C7orf57: variants seen among roughly 807,000 people sequenced by gnomAD.
The protein encoded by C7orf57 is chromosome 7 open reading frame 57.
In C7orf57, 33 loss-of-function variants were observed where a neutral mutation model predicts 39.0. The ratio of observed to expected loss-of-function variants is 0.85; its 90% CI spans 0.64 to 1.13. The LOEUF is 1.13. Among genes scored for constraint, C7orf57 ranks in the 50% most tolerant of loss-of-function variants. The pLI is 0.00. For synonymous variants in C7orf57, 124 were observed against 137.1 expected (o/e 0.90, Z 0.67); for missense variants, 346 against 362.3 (o/e 0.95, Z 0.37).
At chr7:48,038,458 G>A (rs11764799) in intron 2 of C7orf57, among the ~76,000 whole-genome samples, 70,405 of 151,784 alleles carry the variant, frequency 0.46, 16,963 homozygotes, top group African/African-American at 0.6. Flanking sequence ...ATTGGCTCAC[G>A]TAATTGTGGA....
chr7:48,040,484 T>G (rs1583801499), intron 2 of C7orf57, among the ~76,000 whole-genome samples: 1 of 152,212 alleles, frequency 6.6e-6, no homozygotes, highest in Non-Finnish European at 1.5e-5. Context: ...GTCACCTGTT[T>G]CCGCCACTTT....
intron 2 of C7orf57, among the ~76,000 whole-genome samples, chr7:48,037,062 C>T (rs1790393249): frequency 6.6e-6 from 1 of 152,072 alleles, no homozygotes; most frequent in Non-Finnish European, 1.5e-5. Flanking sequence ...AGCACATTTG[C>T]TCAGAAGTGA....
At chr7:48,051,734 CTTT>C (rs1375062899) in intron 6 of C7orf57, among the ~76,000 whole-genome samples, 1 of 55,968 alleles carries the variant, frequency 1.8e-5, no homozygotes, top group African/African-American at 4.8e-5. Context: ...TTCTCTTTTT[CTTT>C]TCTTTCTTTT....
At chr7:48,051,806 C>CCTTCCTTTT (rs1351868768) in intron 6 of C7orf57, among the ~76,000 whole-genome samples, 1 of 68,108 alleles carries the variant, frequency 1.5e-5, no homozygotes, top group African/African-American at 6.8e-5. Context: ...TTCCTTCCTT[C>CCTTCCTTTT]CTTTTCTCTT....
At chr7:48,042,246 G>A (rs1790571768) in intron 3 of C7orf57, among the ~76,000 whole-genome samples, 1 of 152,214 alleles carries the variant, frequency 6.6e-6, no homozygotes, top group Non-Finnish European at 1.5e-5. Flanking sequence ...CAAACAATTT[G>A]ATGGACTAGG....
At chr7:48,039,621 T>G (rs192485192) in intron 2 of C7orf57, among the ~76,000 whole-genome samples, 1 of 152,180 alleles carries the variant, frequency 6.6e-6, no homozygotes, top group Admixed American at 6.5e-5. Context: ...TATTTTCATC[T>G]AAAAAACTTC....
chr7:48,049,308 C>A (rs1452446569), intron 5 of C7orf57, among the ~76,000 whole-genome samples: 1 of 152,146 alleles, frequency 6.6e-6, no homozygotes, highest in East Asian at 1.9e-4. Context: ...CTTCCTTTTC[C>A]AGAATGTGAA....
intron 2 of C7orf57, among the ~76,000 whole-genome samples, chr7:48,041,022 C>CAA (rs1398941795): frequency 6.6e-6 from 1 of 152,094 alleles, no homozygotes; most frequent in African/African-American, 2.4e-5. Flanking sequence ...GAGAGAGAGA[C>CAA]AGAGACATCA....
chr7:48,050,075 C>T (rs1790831838), intron 6 of C7orf57, 98 bp downstream of exon 6: 2 of 799,574 alleles, frequency 2.5e-6, no homozygotes, highest in African/African-American at 1.7e-5. Flanking sequence ...AGCATCCACA[C>T]AACTTCCCGA....
intron 3 of C7orf57, among the ~76,000 whole-genome samples, chr7:48,042,402 T>C (rs1360330381): frequency 1.3e-5 from 2 of 152,230 alleles, no homozygotes; most frequent in African/African-American, 4.8e-5. Context: ...CTGAGTGTGA[T>C]CATTGTGCCA....
At chr7:48,051,245 G>C (rs544485290) in intron 6 of C7orf57, among the ~76,000 whole-genome samples, 1 of 150,978 alleles carries the variant, frequency 6.6e-6, no homozygotes, top group Non-Finnish European at 1.5e-5. Context: ...GCAGCGGTAC[G>C]AACTCAGCTC....
chr7:48,054,876 T>G (rs13309347), intron 8 of C7orf57, among the ~76,000 whole-genome samples: 73,327 of 149,436 alleles, frequency 0.49, 19,496 homozygotes, highest in Middle Eastern at 0.68. Context: ...TGATTATTAT[T>G]ATTATTATTA....
chr7:48,039,185 A>G (rs750209547), intron 2 of C7orf57, among the ~76,000 whole-genome samples: 5 of 152,230 alleles, frequency 3.3e-5, no homozygotes, highest in Non-Finnish European at 5.9e-5. Flanking sequence ...ACAGCTTTGT[A>G]GGACCATTTC....
intron 7 of C7orf57, among the ~76,000 whole-genome samples, chr7:48,053,707 T>C (rs1791030405): frequency 6.6e-6 from 1 of 152,222 alleles, no homozygotes; most frequent in Non-Finnish European, 1.5e-5. Context: ...TGCCTCTGCC[T>C]TGCAAAGTAC....
intron 8 of C7orf57, among the ~76,000 whole-genome samples, chr7:48,059,682 A>G (rs1488621573): frequency 6.6e-6 from 1 of 152,128 alleles, no homozygotes; most frequent in Non-Finnish European, 1.5e-5. Flanking sequence ...CTTTCCCTCC[A>G]TGAGACACAA....
chr7:48,039,796 A>T (rs1423767019), intron 2 of C7orf57, among the ~76,000 whole-genome samples: 1 of 46,200 alleles, frequency 2.2e-5, no homozygotes, highest in African/African-American at 1.4e-4. Context: ...ATTGAATAGA[A>T]GGGGATATTG....
chr7:48,046,729 C>A (rs988371442), intron 5 of C7orf57, 113 bp downstream of exon 5: 2 of 1,108,838 alleles, frequency 1.8e-6, no homozygotes, highest in African/African-American at 1.6e-5. Context: ...CTCGTGGCAT[C>A]GGCCACGTGC....
At position 48,041,358 on chromosome 7, in the gene C7orf57, A is replaced by C. The variant is rs1790541842; in HGVS notation, c.80A>C (p.Lys27Thr). Residue 27 changes from lysine (K) to threonine (T), a missense_variant, in exon 3 of 9, where the codon AAG (lysine) becomes ACG (threonine). By Grantham distance (78) the Lys-to-Thr change is moderately conservative. Coordinates refer to ENST00000348904, the MANE Select transcript of C7orf57 (RefSeq NM_001100159.3). ...PCDWYYHVPVKRSEKAVDAPP... is the reference protein window; with the variant it reads ...PCDWYYHVPVTRSEKAVDAPP... ...GATTGGTATTACCACGTCCCAGTGAAGCGCTCTGAGAAGGCCGTGGATGCC... is the reference window on the plus strand; with the variant it reads ...GATTGGTATTACCACGTCCCAGTGACGCGCTCTGAGAAGGCCGTGGATGCC... 2.5e-6 allele frequency: 4 copies of C among 1,613,650 alleles called. No individual in the cohort carries two copies. The highest frequency in any genetic ancestry group is 2.5e-6 in the Non-Finnish European group (3 of 1,179,716).
chr7:48,051,877 C>CCTTCCTTCCT (rs1272186817), intron 6 of C7orf57, among the ~76,000 whole-genome samples: 20 of 39,102 alleles, frequency 5.1e-4, no homozygotes, highest in South Asian at 1.9e-3. Flanking sequence ...CTTTCTCTTT[C>CCTTCCTTCCT]TCTTTCTTTC....
Sources: gnomAD v4.1 joint callset for allele counts (sites outside exome capture counted in the v4.1 genomes callset) on GRCh38, gnomAD v4.1.1 for gene constraint, MANE v1.5 for transcripts, NCBI Gene and HGNC (gene_info 2026-07-23, HGNC 2026-07-21) for gene names.